FDX1: variants seen among roughly 807,000 people sequenced by gnomAD.
The protein encoded by FDX1 is ferredoxin 1.
In FDX1, 9 loss-of-function variants were observed where a neutral mutation model predicts 14.9. The ratio of observed to expected loss-of-function variants is 0.60; its 90% CI spans 0.36 to 1.05. The LOEUF (loss-of-function observed/expected upper bound fraction) is 1.05. Ranked by LOEUF, FDX1 falls within the 50% of genes least tolerant of loss-of-function variation. FDX1 has a pLI of 0.01. For missense variants in FDX1, 204 were observed against 237.2 expected, an observed-to-expected ratio of 0.86 and a Z score of 0.92; for synonymous variants, 92 against 99.4, an observed-to-expected ratio of 0.93 and a Z score of 0.44.
chr11:110,450,623 A>G (rs1408784139), intron 2 of FDX1, among the ~76,000 whole-genome samples: 5 of 152,254 alleles, frequency 3.3e-5, no homozygotes, highest in Admixed American at 6.5e-5. Context: ...GTTCTACTTA[A>G]GTATATTTTA....
At chr11:110,444,974 C>G (rs1051412418) in intron 2 of FDX1, among the ~76,000 whole-genome samples, 1 of 151,524 alleles carries the variant, frequency 6.6e-6, no homozygotes, top group Non-Finnish European at 1.5e-5. Context: ...CCTGTCTACC[C>G]TGCATCAATT....
At chr11:110,453,709 A>G (rs181468202) in intron 2 of FDX1, among the ~76,000 whole-genome samples, 1 of 152,240 alleles carries the variant, frequency 6.6e-6, no homozygotes, top group East Asian at 1.9e-4. Flanking sequence ...TGAAAGATTG[A>G]AAGTTTCTTT....
intron 2 of FDX1, among the ~76,000 whole-genome samples, chr11:110,455,290 G>A (rs1179894329): frequency 1.3e-5 from 2 of 151,766 alleles, no homozygotes; most frequent in Non-Finnish European, 2.9e-5. Flanking sequence ...GTGAGCCACC[G>A]TGCCCGGCCT....
rs947377424 is a variant in FDX1 at position 110,464,643 on chromosome 11, A to T, written c.*2175A>T. ...GGGACATTCAAACCATAGCAGTGCTATAATTTTAAAGTACTTCAAAGCCAA... is the reference window on the plus strand; with the variant it reads ...GGGACATTCAAACCATAGCAGTGCTTTAATTTTAAAGTACTTCAAAGCCAA... On this transcript the variant is annotated 3_prime_UTR_variant, in exon 4 of 4. Transcript: ENST00000260270. 6.6e-6 allele frequency: 1 copy of T among 152,214 alleles called. No individual in the cohort carries two copies. Among genetic ancestry groups the T allele is most frequent in the African/African-American group, 2.4e-5 (1 of 41,462 alleles). 9.4% of individuals were successfully genotyped at this position (152,214 alleles called of 1,614,324 possible).
intron 2 of FDX1, among the ~76,000 whole-genome samples, chr11:110,453,500 GTTC>G: frequency 6.8e-6 from 1 of 147,818 alleles, no homozygotes. Context: ...ATAGCCTCTT[GTTC>G]TTCTTACAGT....
Position 110,457,037 on chromosome 11 carries a change from C to G in FDX1, c.430C>G (p.Leu144Val). 6.2e-7 allele frequency: 1 copy of G among 1,609,928 alleles called. No individual in the cohort carries two copies. The highest frequency in any genetic ancestry group is 8.5e-7 in the Non-Finnish European group (1 of 1,177,472). The change falls in exon 3 of 4, where the codon CTA (leucine) becomes GTA (valine). Residue 144 changes from leucine (L) to valine (V), a missense_variant. Coordinates refer to ENST00000260270, the MANE Select transcript of FDX1 (RefSeq NM_004109.5). ...TGACATGCTCGATCTGGCATATGGA[C>G]TAACAGACAGGTAAGATTTTTGGAC... ...ENDMLDLAYG[L>V]TDRSRLGCQI...
intron 2 of FDX1, among the ~76,000 whole-genome samples, chr11:110,454,615 A>C (rs1166123881): frequency 6.6e-6 from 1 of 152,190 alleles, no homozygotes; most frequent in African/African-American, 2.4e-5. Flanking sequence ...TTACAAATAA[A>C]GTTGAATTAC....
At chr11:110,444,660 ATATACG>A (rs1167792725) in intron 2 of FDX1, among the ~76,000 whole-genome samples, 9 of 78,768 alleles carry the variant, frequency 1.1e-4, no homozygotes, top group African/African-American at 5.3e-4. Flanking sequence ...GTATATATAT[ATATACG>A]TATATATATA....
intron 2 of FDX1, among the ~76,000 whole-genome samples, chr11:110,437,469 G>A (rs1946377780): frequency 6.6e-6 from 1 of 152,228 alleles, no homozygotes; most frequent in South Asian, 2.1e-4. Flanking sequence ...GGTTATACAT[G>A]CAGCAAGTGA....
intron 1 of FDX1, among the ~76,000 whole-genome samples, chr11:110,430,906 G>C (rs1294187231): frequency 2.6e-5 from 4 of 152,242 alleles, no homozygotes; most frequent in African/African-American, 9.6e-5. Flanking sequence ...GCCGGGACTT[G>C]AAACTTGGCT....
At chr11:110,449,280 G>A (rs1374474240) in intron 2 of FDX1, among the ~76,000 whole-genome samples, 1 of 152,210 alleles carries the variant, frequency 6.6e-6, no homozygotes, top group Admixed American at 6.5e-5. Context: ...GAAAATTGTT[G>A]TATAACCAAG....
At chr11:110,442,595 A>G (rs1273619956) in intron 2 of FDX1, among the ~76,000 whole-genome samples, 2 of 152,172 alleles carry the variant, frequency 1.3e-5, no homozygotes, top group Non-Finnish European at 2.9e-5. Flanking sequence ...TGGAATAGCT[A>G]TATTTACCCA....
chr11:110,436,569 C>T (rs1283147555), intron 2 of FDX1, among the ~76,000 whole-genome samples: 1 of 145,372 alleles, frequency 6.9e-6, no homozygotes. Flanking sequence ...CTCAGACACT[C>T]CTCCCCCACC....
At chr11:110,435,720 T>C (rs1946363913) in intron 1 of FDX1, 114 bp from the exon 2 acceptor site, 2 of 688,928 alleles carry the variant, frequency 2.9e-6, no homozygotes. Context: ...CCAGGCGTGG[T>C]GCTGGGCACC....
At chr11:110,430,410 G>C in intron 1 of FDX1, 105 bp downstream of exon 1, 2 of 770,208 alleles carry the variant, frequency 2.6e-6, no homozygotes, top group South Asian at 1.3e-4. Context: ...TCTGCGCGCC[G>C]GGCCCACACC....
At chr11:110,438,025 C>T (rs1946381926) in intron 2 of FDX1, among the ~76,000 whole-genome samples, 1 of 152,216 alleles carries the variant, frequency 6.6e-6, no homozygotes. Context: ...TTTATCCAAT[C>T]CACCATTGAC....
intron 2 of FDX1, among the ~76,000 whole-genome samples, chr11:110,450,820 G>A (rs75122348): frequency 0.011 from 1,727 of 151,972 alleles, 33 homozygotes; most frequent in African/African-American, 0.039. Flanking sequence ...ATATATACAT[G>A]TACATACATG....
At chr11:110,448,448 G>A (rs1946466431) in intron 2 of FDX1, among the ~76,000 whole-genome samples, 1 of 152,150 alleles carries the variant, frequency 6.6e-6, no homozygotes, top group Non-Finnish European at 1.5e-5. Flanking sequence ...GCAGGCAATT[G>A]TATTGTCAGC....
chr11:110,444,675 T>TATACAC (rs1946429813), intron 2 of FDX1, among the ~76,000 whole-genome samples: 1 of 78,466 alleles, frequency 1.3e-5, no homozygotes, highest in African/African-American at 5.9e-5. Flanking sequence ...CGTATATATA[T>TATACAC]ATATATATAC....
Sources: allele counts gnomAD v4.1 joint callset (sites outside exome capture counted in the v4.1 genomes callset), GRCh38; gene constraint gnomAD v4.1.1; transcripts MANE v1.5; gene names NCBI Gene and HGNC (gene_info 2026-07-23, HGNC 2026-07-21).